The following COL9A1 variants were observed in gnomAD, a reference collection of about 807,000 sequenced individuals.
COL9A1 encodes collagen alpha-1(IX) chain.
Under a neutral mutation model 142.6 loss-of-function variants are expected in COL9A1, and 104 were observed. The observed-to-expected ratio is 0.73, with a 90% CI of 0.62 to 0.86. The LOEUF is 0.86. COL9A1 is among the 40% of genes least tolerant of loss of function. COL9A1 has a pLI of 0.00. For missense variants in COL9A1, 1,210 were observed against 1,176.6 expected (o/e 1.03, Z -0.42); for synonymous variants, 466 against 396.0 (o/e 1.18, Z -2.10).
chr6:70,247,056 T>C (rs887233541), intron 28 of COL9A1, among the ~76,000 whole-genome samples: 8 of 152,236 alleles, frequency 5.3e-5, no homozygotes, highest in African/African-American at 1.7e-4. Context: ...AGGTAATTAC[T>C]AAAGAAATCG....
intron 13 of COL9A1, 94 bp downstream of exon 13, chr6:70,271,971 C>T (rs1772429171): frequency 7.7e-7 from 1 of 1,292,978 alleles, no homozygotes; most frequent in South Asian, 1.2e-5. Context: ...GTAAACACCA[C>T]TGAGTAGACC....
At chr6:70,300,279 G>A (rs775994762) in intron 3 of COL9A1, 30 bp downstream of exon 3, 2 of 1,604,560 alleles carry the variant, frequency 1.2e-6, no homozygotes, top group Non-Finnish European at 1.7e-6. Flanking sequence ...TAGAAAGCAT[G>A]CATTTTCAAT....
chr6:70,282,349 G>C (rs1433962480), intron 7 of COL9A1, among the ~76,000 whole-genome samples: 1 of 152,222 alleles, frequency 6.6e-6, no homozygotes, highest in Non-Finnish European at 1.5e-5. Flanking sequence ...GCCCCCGCCG[G>C]GTCCTCCCTC....
At chr6:70,290,778 C>T (rs570396755) in intron 5 of COL9A1, among the ~76,000 whole-genome samples, 6 of 152,026 alleles carry the variant, frequency 3.9e-5, no homozygotes, top group East Asian at 3.9e-4. Context: ...AAGCAAGATT[C>T]GACTCTGAAA....
chr6:70,278,358 T>C lies in COL9A1; in HGVS notation c.975+2454A>G, dbSNP rs146956890. On this transcript the variant is annotated intron_variant, in intron 10 of 37. Transcript: ENST00000357250. Reference sequence around the variant, plus strand: ...CTATTTTGTTATCTTAGCTACTAAATAGCTCTCTGAGGAAACCACTTGTCT... The same window carrying C: ...CTATTTTGTTATCTTAGCTACTAAACAGCTCTCTGAGGAAACCACTTGTCT... Among the ~76,000 whole-genome samples, 856 of 152,340 alleles carry C rather than the reference T, an allele frequency of 5.6e-3. 5 individuals are homozygous for C. Among genetic ancestry groups the C allele is most frequent in the Middle Eastern group, 0.014 (4 of 294 alleles).
At chr6:70,273,345 G>A (rs1772528100) in intron 12 of COL9A1, among the ~76,000 whole-genome samples, 1 of 152,156 alleles carries the variant, frequency 6.6e-6, no homozygotes, top group Non-Finnish European at 1.5e-5. Context: ...GAGATTAAGA[G>A]TTGAGTTGAA....
intron 26 of COL9A1, among the ~76,000 whole-genome samples, chr6:70,252,947 C>G (rs987395889): frequency 6.6e-6 from 1 of 152,010 alleles, no homozygotes; most frequent in Non-Finnish European, 1.5e-5. Flanking sequence ...AACATTTTTT[C>G]CACCTATTGT....
intron 5 of COL9A1, 138 bp downstream of exon 5, chr6:70,294,029 T>TA: frequency 8.6e-7 from 1 of 1,163,662 alleles, no homozygotes. Context: ...GACCAGAAGC[T>TA]ATCTACTTAA....
Position 70,270,326 on chromosome 6 carries a change from G to A in COL9A1, c.1185C>T (p.Pro395=), listed in dbSNP as rs754760968. The change falls in exon 15 of 38, where the codon CCC becomes CCT. Residue 395 remains proline (P), a synonymous_variant. Transcript: ENST00000357250. ...GCAAATAACTTACTCTGGGTCCTGG[G>A]GGGCCAGGGGGGCCAGGTGGTCCTC... The part of the protein sequence containing the change: ...GRRGPPGPPG[P]PGPRGTIGFH... The A allele has an allele frequency of 7.9e-5, 128 of 1,613,348 alleles. No individual in the cohort carries two copies. Among genetic ancestry groups the A allele is most frequent in the Non-Finnish European group, 1.0e-4 (118 of 1,179,660 alleles).
rs73749917 is a variant in COL9A1, at chr6:70,240,838, G to A, written c.2035-105C>T. ...TTCATAAGTGCCCACAGTGTTCCCA[G>A]AATCATGCAGAAATACAAAATGCTC... is the stretch of plus-strand genomic sequence containing the variant. On this transcript the variant is annotated intron_variant, in intron 31 of 37. Transcript: ENST00000357250. 2.2e-4 allele frequency: 196 copies of A among 873,880 alleles called. No individual in the cohort carries two copies. The African/African-American group carries it at 3.1e-3, about 14-fold the overall frequency. The allele number at this position is 873,880 out of a possible 1,614,324, so 54.1% of individuals were successfully genotyped here. A position where few individuals can be genotyped will look rare whatever the true frequency, so the allele number is the denominator to read the frequency against.
Position 70,240,741 on chromosome 6 carries a change from TTAAGA to T in COL9A1, c.2035-13_2035-9del, listed in dbSNP as rs754473811. On this transcript the variant is annotated splice_polypyrimidine_tract_variant and intron_variant, in intron 31 of 37. Coordinates refer to ENST00000357250, the MANE Select transcript of COL9A1 (RefSeq NM_001851.6). The stretch of plus-strand genomic sequence containing the variant: ...TTCTTCACCAGAGGCACCCTAAAAA[TTAAGA>T]TAAAAGGTTACATTTTAAAATTCTT... The T allele has an allele frequency of 6.2e-7, 1 of 1,610,984 alleles. No individual in the cohort carries two copies. Among genetic ancestry groups the T allele is most frequent in the South Asian group, 1.1e-5 (1 of 90,972 alleles).
intron 5 of COL9A1, among the ~76,000 whole-genome samples, chr6:70,289,402 A>G (rs1019166571): frequency 2.6e-5 from 4 of 152,170 alleles, no homozygotes; most frequent in African/African-American, 9.7e-5. Context: ...TTTTTATTCT[A>G]GCTATCCACA....
At chr6:70,268,360 G>A (rs1032099273) in intron 17 of COL9A1, among the ~76,000 whole-genome samples, 3 of 151,966 alleles carry the variant, frequency 2.0e-5, no homozygotes, top group Admixed American at 6.6e-5. Context: ...GACTACAAGT[G>A]CATGCCACCA....
intron 33 of COL9A1, among the ~76,000 whole-genome samples, chr6:70,236,922 A>G (rs1325861718): frequency 6.6e-6 from 1 of 152,076 alleles, no homozygotes; most frequent in African/African-American, 2.4e-5. Context: ...CCCAGGTTCA[A>G]GCGATTCTCC....
chr6:70,283,031 G>A, intron 6 of COL9A1, 113 bp from the exon 7 acceptor site: 1 of 1,609,118 alleles, frequency 6.2e-7, no homozygotes, highest in South Asian at 1.1e-5. Context: ...AGGGCCCCGC[G>A]GTCCCGCGCA....
At chr6:70,271,567 G>T in intron 14 of COL9A1, 88 bp downstream of exon 14, 2 of 1,179,536 alleles carry the variant, frequency 1.7e-6, no homozygotes, top group Non-Finnish European at 2.5e-6. Context: ...TTTGCAAGTG[G>T]AAATGTACAG....
At chr6:70,220,164 T>C (rs1251900331) in intron 37 of COL9A1, among the ~76,000 whole-genome samples, 1 of 151,924 alleles carries the variant, frequency 6.6e-6, no homozygotes, top group African/African-American at 2.4e-5. Flanking sequence ...ATCATCATCA[T>C]CATCACCACA....
chr6:70,245,898 T>A (rs1352874000), intron 28 of COL9A1: 1 of 152,202 alleles, frequency 6.6e-6, no homozygotes, highest in East Asian at 1.9e-4. Flanking sequence ...GAGGTTGCAG[T>A]GACCCAAGAT....
At chr6:70,294,641 C>T (rs1000673070) in intron 4 of COL9A1, 78 bp from the exon 5 acceptor site, 8 of 1,398,180 alleles carry the variant, frequency 5.7e-6, no homozygotes, top group East Asian at 2.3e-5. Context: ...CCTTTTGAGG[C>T]CATTTTAGAT....
Sources: gnomAD v4.1 joint callset for allele counts (sites outside exome capture counted in the v4.1 genomes callset) on GRCh38, gnomAD v4.1.1 for gene constraint, MANE v1.5 for transcripts, NCBI Gene and HGNC (gene_info 2026-07-23, HGNC 2026-07-21) for gene names.